The following SEMA3D variants were observed in gnomAD, a reference collection of about 807,000 sequenced individuals.
The protein encoded by SEMA3D is semaphorin-3D.
Under a neutral mutation model 100.1 loss-of-function variants are expected in SEMA3D, and 84 were observed. The observed-to-expected ratio is 0.84, with a 90% CI of 0.70 to 1.01. SEMA3D has a LOEUF of 1.01. Ranked by LOEUF, SEMA3D falls within the 50% of genes least tolerant of loss-of-function variation. The pLI is 0.00. For synonymous variants in SEMA3D, 312 were observed against 320.7 expected, an observed-to-expected ratio of 0.97 and a Z score of 0.29; for missense variants, 875 against 934.1, an observed-to-expected ratio of 0.94 and a Z score of 0.82.
intron 3 of SEMA3D, among the ~76,000 whole-genome samples, chr7:85,112,211 T>G (rs1018694477): frequency 6.6e-6 from 1 of 152,174 alleles, no homozygotes; most frequent in Non-Finnish European, 1.5e-5. Context: ...TTGAGACACA[T>G]GCTTAATTTC....
chr7:85,211,368 T>C, the SEMA3D span, among the ~76,000 whole-genome samples: 2 of 152,044 alleles, frequency 1.3e-5, no homozygotes, highest in Non-Finnish European at 2.9e-5. Context: ...TGTTGATATG[T>C]ATTTTAGAGA....
chr7:85,062,033 GC>G (rs1278065435), intron 8 of SEMA3D, among the ~76,000 whole-genome samples: 1 of 152,130 alleles, frequency 6.6e-6, no homozygotes. Flanking sequence ...GCTGCAAAGA[GC>G]AGGGGACATG....
intron 3 of SEMA3D, among the ~76,000 whole-genome samples, chr7:85,107,005 A>T (rs976273033): frequency 2.0e-5 from 3 of 152,066 alleles, no homozygotes; most frequent in Non-Finnish European, 4.4e-5. Context: ...CCATATCACC[A>T]TTTGTATTTC....
chr7:85,242,467 C>A, the SEMA3D span, among the ~76,000 whole-genome samples: 4 of 152,112 alleles, frequency 2.6e-5, no homozygotes, highest in African/African-American at 9.7e-5. Flanking sequence ...GTCATTTAAT[C>A]TCCAAGCATT....
At chr7:85,091,473 ATT>A (rs942143978) in intron 4 of SEMA3D, among the ~76,000 whole-genome samples, 1 of 150,456 alleles carries the variant, frequency 6.6e-6, no homozygotes, top group African/African-American at 2.4e-5. Flanking sequence ...AGTATTGCAT[ATT>A]TTTTTTTACC....
At chr7:85,220,955 T>A in the SEMA3D span, among the ~76,000 whole-genome samples, 1 of 152,086 alleles carries the variant, frequency 6.6e-6, no homozygotes, top group Non-Finnish European at 1.5e-5. Context: ...AGTGAATAAC[T>A]CAGAGCAGTA....
chr7:85,021,119 C>T (rs922298214), intron 13 of SEMA3D, among the ~76,000 whole-genome samples: 9 of 151,428 alleles, frequency 5.9e-5, no homozygotes, highest in South Asian at 2.1e-4. Context: ...AGTATAGTAA[C>T]GTATATAATA....
the SEMA3D span, among the ~76,000 whole-genome samples, chr7:85,249,909 G>C: frequency 8.9e-4 from 135 of 152,032 alleles, no homozygotes; most frequent in African/African-American, 3.1e-3. Context: ...AGCTCCCAGC[G>C]TGAGCGACGC....
chr7:85,247,778 G>A, the SEMA3D span, among the ~76,000 whole-genome samples: 1 of 152,022 alleles, frequency 6.6e-6, no homozygotes, highest in South Asian at 2.1e-4. Context: ...CAAATAAACA[G>A]GGGAAACACA....
intron 12 of SEMA3D, chr7:85,028,985 A>G: frequency 2.7e-6 from 1 of 367,410 alleles, no homozygotes. Flanking sequence ...ACATCTCAAA[A>G]TGTTCAAGAT....
the SEMA3D span, among the ~76,000 whole-genome samples, chr7:85,203,662 T>C: frequency 6.6e-6 from 1 of 152,070 alleles, no homozygotes; most frequent in Admixed American, 6.6e-5. Context: ...AATCTGAAAA[T>C]TTGCAATTTT....
the SEMA3D span, among the ~76,000 whole-genome samples, chr7:85,244,991 G>A: frequency 3.3e-5 from 5 of 152,172 alleles, no homozygotes; most frequent in South Asian, 1.0e-3. Context: ...ATTTACAGGC[G>A]TGAGCCACTG....
At chr7:85,151,936 T>G (rs1790439068) in intron 2 of SEMA3D, among the ~76,000 whole-genome samples, 1 of 152,096 alleles carries the variant, frequency 6.6e-6, no homozygotes, top group African/African-American at 2.4e-5. Flanking sequence ...TACCTTGAGA[T>G]GCTTTCTTTA....
chr7:85,028,344 T>C, intron 12 of SEMA3D: 1 of 625,138 alleles, frequency 1.6e-6, no homozygotes, highest in Non-Finnish European at 2.9e-6. Context: ...CTTGGAATTA[T>C]CAATGTGCCA....
intron 12 of SEMA3D, 132 bp from the exon 13 acceptor site, chr7:85,022,745 C>A: frequency 1.6e-6 from 1 of 634,532 alleles, no homozygotes; most frequent in East Asian, 2.7e-5. Context: ...AATATGGAAT[C>A]ATGTGTACTT....
At chr7:85,221,100 T>C in the SEMA3D span, among the ~76,000 whole-genome samples, 1 of 151,982 alleles carries the variant, frequency 6.6e-6, no homozygotes, top group Non-Finnish European at 1.5e-5. Flanking sequence ...CAGACAAAAC[T>C]AGCATAGATC....
intron 4 of SEMA3D, among the ~76,000 whole-genome samples, chr7:85,082,062 C>G (rs1788079770): frequency 6.6e-6 from 1 of 152,212 alleles, no homozygotes; most frequent in African/African-American, 2.4e-5. Flanking sequence ...GCTTGGAGCT[C>G]AGATGCATCT....
At chr7:85,214,062 C>G in the SEMA3D span, among the ~76,000 whole-genome samples, 2 of 152,050 alleles carry the variant, frequency 1.3e-5, no homozygotes, top group Non-Finnish European at 2.9e-5. Flanking sequence ...TATATTGATT[C>G]AAATAAACAA....
the SEMA3D span, among the ~76,000 whole-genome samples, chr7:85,220,019 C>T: frequency 6.6e-6 from 1 of 152,018 alleles, no homozygotes; most frequent in Non-Finnish European, 1.5e-5. Context: ...AGCAAATTGT[C>T]AGTCAATTTG....
Sources: allele counts gnomAD v4.1 joint callset (sites outside exome capture counted in the v4.1 genomes callset), GRCh38; gene constraint gnomAD v4.1.1; transcripts MANE v1.5; gene names NCBI Gene and HGNC (gene_info 2026-07-23, HGNC 2026-07-21).